NUMA1: variants seen among roughly 807,000 people sequenced by gnomAD.
NUMA1 encodes the protein nuclear mitotic apparatus protein 1, also known as SP-H antigen.
In NUMA1, 62 loss-of-function variants were observed where a neutral mutation model predicts 237.1. The ratio of observed to expected loss-of-function variants is 0.26; its 90% CI spans 0.21 to 0.32. The LOEUF (loss-of-function observed/expected upper bound fraction) is 0.32. Among genes scored for constraint, NUMA1 ranks in the 10% least tolerant of loss-of-function variants. The pLI is 1.00. For synonymous variants in NUMA1, 1,028 were observed against 1,066.1 expected (o/e 0.96, Z 0.70); for missense variants, 2,533 against 2,666.5 (o/e 0.95, Z 1.10).
At chr11:72,010,927 C>G in intron 16 of NUMA1, 73 bp from the exon 17 acceptor site, 1 of 1,343,024 alleles carries the variant, frequency 7.4e-7, no homozygotes, top group Non-Finnish European at 1.1e-6. Context: ...GTCCACCCAT[C>G]ATGGGGTTTC....
chr11:72,079,155 T>G (rs1175513018), intron 1 of NUMA1, among the ~76,000 whole-genome samples: 3 of 152,182 alleles, frequency 2.0e-5, no homozygotes, highest in Non-Finnish European at 4.4e-5. Flanking sequence ...TTATTCCCAT[T>G]ACATGTCGCA....
rs139820576 is a variant in NUMA1 at position 72,014,005 on chromosome 11, A to T, written c.3498T>A (p.Thr1166=). Residue 1166 remains threonine, a synonymous_variant, in exon 15 of 27, where the codon ACT becomes ACA. Coordinates refer to ENST00000393695, the MANE Select transcript of NUMA1 (RefSeq NM_006185.4). The surrounding 1 kb of genome is among the most constrained non-coding windows in gnomAD (Gnocchi z 4.6). ...CCTTCTCCTCTAACTGGCCCTGCAG[A>T]GTCTCCAGAGCACTGTCCCGCTCAG... ...SRAERDSALE[T]LQGQLEEKAQ... 834 of 1,611,928 alleles carry T rather than the reference A, an allele frequency of 5.2e-4. 6 individuals carry two copies. The African/African-American group carries it at 8.8e-3, about 17-fold the overall frequency.
In NUMA1 at chr11:72,030,552, A is replaced by G. The variant is rs532022790; in HGVS notation, c.43-1262T>C. ...CAGGTACACAGGTTATTCAATAAGT[A>G]TACATGGTCAACCTCTACAGGAAAA... On this transcript the variant is annotated intron_variant, in intron 3 of 26. Transcript: ENST00000393695. 1.0e-3 allele frequency among the ~76,000 whole-genome samples: 158 copies of G among 152,346 alleles called. 1 individual carries two copies. Among genetic ancestry groups the G allele is most frequent in the Non-Finnish European group, 1.3e-3 (89 of 68,030 alleles).
intron 2 of NUMA1, among the ~76,000 whole-genome samples, chr11:72,061,485 C>CTT (rs767581846): frequency 2.4e-4 from 28 of 117,284 alleles, no homozygotes; most frequent in African/African-American, 5.8e-4. Flanking sequence ...TGTTTCTTTT[C>CTT]TTTTTTTTTT....
At position 72,014,442 on chromosome 11, in the gene NUMA1, C is replaced by A; in HGVS notation, c.3061G>T (p.Ala1021Ser). The A allele has an allele frequency of 6.2e-7, 1 of 1,606,180 alleles. No homozygotes were observed. Among genetic ancestry groups the A allele is most frequent in the Non-Finnish European group, 8.5e-7 (1 of 1,180,008 alleles). The change falls in exon 15 of 27, where the codon GCC becomes TCC. Residue 1021 changes from alanine (A) to serine (S), a missense_variant. Physicochemically the swap from Ala to Ser is moderately conservative, Grantham distance 99. Coordinates refer to ENST00000393695, the MANE Select transcript of NUMA1 (RefSeq NM_006185.4). The surrounding 1 kb of genome is among the most constrained non-coding windows in gnomAD (Gnocchi z 4.6). ...TCTGCTCTGGCCGCCTTCTCCAGGG[C>A]AAGGTCAGCCTGGGCACGGCCCCGC... is the stretch of plus-strand genomic sequence containing the variant. Reference protein sequence around the residue: ...QERGRAQADLALEKAARAELE... With the variant: ...QERGRAQADLSLEKAARAELE...
intron 2 of NUMA1, among the ~76,000 whole-genome samples, chr11:72,043,315 C>T (rs540935592): frequency 1.3e-5 from 2 of 149,516 alleles, no homozygotes; most frequent in African/African-American, 2.4e-5. Context: ...ATACAAAAAA[C>T]CACACAAAAA....
At chr11:72,029,568 A>T (rs970396387) in intron 3 of NUMA1, among the ~76,000 whole-genome samples, 5 of 152,270 alleles carry the variant, frequency 3.3e-5, no homozygotes, top group Non-Finnish European at 1.5e-5. Context: ...TTTTGGAAGG[A>T]TACACCAATA....
intron 9 of NUMA1, 151 bp downstream of exon 9, chr11:72,019,343 G>T: frequency 1.9e-6 from 2 of 1,071,544 alleles, no homozygotes; most frequent in South Asian, 3.1e-5. Flanking sequence ...ACTTCCCCCA[G>T]TTAATACTGG....
At chr11:72,044,332 C>A (rs1377308572) in intron 2 of NUMA1, among the ~76,000 whole-genome samples, 1 of 152,058 alleles carries the variant, frequency 6.6e-6, no homozygotes, top group African/African-American at 2.4e-5. Flanking sequence ...GCATGTAAGG[C>A]ATAGGATGGG....
intron 2 of NUMA1, among the ~76,000 whole-genome samples, chr11:72,047,304 T>G (rs904656452): frequency 1.3e-5 from 2 of 151,838 alleles, no homozygotes; most frequent in African/African-American, 4.8e-5. Flanking sequence ...CTGGGTAACA[T>G]AGCGAGATCC....
chr11:72,014,402 A>T lies in NUMA1; in HGVS notation c.3101T>A (p.Leu1034Gln). The change falls in exon 15 of 27, where the codon CTG (leucine) becomes CAG (glutamine). Residue 1034 changes from leucine to glutamine, a missense_variant. Physicochemically the swap from Leu to Gln is moderately radical, Grantham distance 113. Coordinates refer to ENST00000393695, the MANE Select transcript of NUMA1 (RefSeq NM_006185.4). The surrounding 1 kb of genome is among the most constrained non-coding windows in gnomAD (Gnocchi z 4.6). ...KAARAELEMR[L>Q]QNALNEQRVE... ...ACGCTGCTCGTTGAGGGCGTTCTGC[A>T]GCCGCATCTCAAGCTCTGCTCTGGC... The T allele has an allele frequency of 6.2e-7, 1 of 1,611,086 alleles. No homozygotes were observed. The highest frequency in any genetic ancestry group is 8.5e-7 in the Non-Finnish European group (1 of 1,180,028).
At position 72,003,515 on chromosome 11, in the gene NUMA1, G is replaced by A. The variant is rs759270600; in HGVS notation, c.*12C>T. On this transcript the variant is annotated 3_prime_UTR_variant, in exon 27 of 27. Transcript: ENST00000393695. ...GGGGACACAGGTGGGGCCACTCACT[G>A]GTACTGGCCCTTTAGTGCTTTGCCT... 4.3e-6 allele frequency: 7 copies of A among 1,613,936 alleles called. No individual in the cohort carries two copies. In the South Asian group the frequency reaches 6.6e-5, roughly 15 times the overall value.
chr11:72,050,640 A>C (rs543773890), intron 2 of NUMA1: 2 of 152,326 alleles, frequency 1.3e-5, no homozygotes, highest in African/African-American at 4.8e-5. Flanking sequence ...TAGGAACGTA[A>C]GGCTCAGTAA....
chr11:72,018,335 G>T (rs946466069), intron 11 of NUMA1, 35 bp from the exon 12 acceptor site: 1 of 1,608,282 alleles, frequency 6.2e-7, no homozygotes, highest in Non-Finnish European at 8.5e-7. Context: ...AGAGAGTATG[G>T]GTTCCTGGCT....
intron 2 of NUMA1, among the ~76,000 whole-genome samples, chr11:72,049,158 TC>T (rs1942166852): frequency 6.6e-6 from 1 of 152,148 alleles, no homozygotes; most frequent in African/African-American, 2.4e-5. Flanking sequence ...AATGGCTCTG[TC>T]CCTACAGGCA....
intron 2 of NUMA1, among the ~76,000 whole-genome samples, chr11:72,069,159 C>G (rs1302037887): frequency 6.6e-6 from 1 of 152,204 alleles, no homozygotes; most frequent in Non-Finnish European, 1.5e-5. Context: ...AAGACATGTA[C>G]AATATCTGTC....
In NUMA1 at chr11:72,007,381, T is replaced by C. The variant is rs1389013301; in HGVS notation, c.5271A>G (p.Ser1757=). The change falls in exon 21 of 27, where the codon TCA becomes TCG. Residue 1757 remains serine (S), a synonymous_variant. Transcript: ENST00000393695. ...DGTSVPGEPA[S]PISQRLPPKV... is the part of the protein sequence containing the mutation. ...TGGGGGGCAGGCGCTGGGAGATAGGTGAGGCTGGTTCTCCAGGGACGCTGG... is the reference window on the plus strand; with the variant it reads ...TGGGGGGCAGGCGCTGGGAGATAGGCGAGGCTGGTTCTCCAGGGACGCTGG... The C allele has an allele frequency of 1.9e-6, 3 of 1,613,622 alleles. No homozygotes were observed. Among genetic ancestry groups the C allele is most frequent in the East Asian group, 4.5e-5 (2 of 44,872 alleles).
chr11:72,059,693 T>C (rs570241940), intron 2 of NUMA1, among the ~76,000 whole-genome samples: 43 of 152,366 alleles, frequency 2.8e-4, no homozygotes, highest in African/African-American at 9.6e-4. Context: ...AAGAATGCTG[T>C]ATTGATAACA....
intron 4 of NUMA1, among the ~76,000 whole-genome samples, chr11:72,028,519 A>C (rs1025625970): frequency 2.6e-5 from 4 of 151,434 alleles, no homozygotes; most frequent in Admixed American, 2.6e-4. Flanking sequence ...AAGGTAGGAT[A>C]CTGGGAGGAA....
Sources: gnomAD v4.1 joint callset for allele counts (sites outside exome capture counted in the v4.1 genomes callset) on GRCh38, gnomAD v4.1.1 for gene constraint, Gnocchi (gnomAD v3.1) non-coding constraint, MANE v1.5 for transcripts, NCBI Gene and HGNC (gene_info 2026-07-23, HGNC 2026-07-21) for gene names.